Variants in PRRG2 observed in about 807,000 individuals in gnomAD.
PRRG2 encodes proline rich and Gla domain 2, also known as transmembrane gamma-carboxyglutamic acid protein 2.
A neutral mutation model predicts 27.1 loss-of-function variants in PRRG2; 23 were observed. The observed-to-expected ratio is 0.85, with a 90% CI of 0.61 to 1.20. The LOEUF is 1.20. PRRG2 is among the 50% of genes most tolerant of loss of function. The pLI, the probability that PRRG2 is intolerant of heterozygous loss-of-function variation, is 0.00. For synonymous variants in PRRG2, 104 were observed against 103.4 expected (o/e 1.01, Z -0.03); for missense variants, 276 against 254.8 (o/e 1.08, Z -0.57).
chr19:49,585,427 C>A (rs573753854), intron 4 of PRRG2, among the ~76,000 whole-genome samples: 68 of 152,350 alleles, frequency 4.5e-4, no homozygotes, highest in African/African-American at 1.6e-3. Context: ...TCGAATCTAC[C>A]TGAAGGTGCC....
intron 5 of PRRG2, 94 bp downstream of exon 5, chr19:49,588,726 C>A: frequency 7.2e-7 from 1 of 1,390,512 alleles, no homozygotes; most frequent in Non-Finnish European, 9.4e-7. Flanking sequence ...TGGGGGCAGG[C>A]AGGCACTGAT....
intron 6 of PRRG2, 85 bp downstream of exon 6, chr19:49,590,137 G>C (rs901789165): frequency 2.8e-6 from 4 of 1,417,496 alleles, no homozygotes; most frequent in Non-Finnish European, 3.7e-6. Context: ...GGCGGGACTT[G>C]GAATTTGGGC....
chr19:49,585,401 G>A (rs889595828), intron 4 of PRRG2, among the ~76,000 whole-genome samples: 2 of 152,216 alleles, frequency 1.3e-5, no homozygotes, highest in African/African-American at 4.8e-5. Context: ...CAGGCCTAGC[G>A]AGGCGTAGTG....
At position 49,588,631 on chromosome 19, in the gene PRRG2, G is replaced by C; in HGVS notation, c.436G>C (p.Glu146Gln). The part of the protein sequence containing the change: ...QHRGQQPCPQ[E>Q]AGLISPLSPL... ...CCGAGGCCAGCAGCCCTGTCCCCAA[G>C]AGTAAGGGGGCTTCAGCGAGGAGGG... Residue 146 changes from glutamate to glutamine, a missense_variant and splice_region_variant, in exon 5 of 7, where the codon GAG becomes CAG. By Grantham distance (29) the Glu-to-Gln change is conservative (BLOSUM62 2). Coordinates refer to ENST00000246794, the MANE Select transcript of PRRG2 (RefSeq NM_000951.3). 6.5e-7 allele frequency: 1 copy of C among 1,529,356 alleles called. No individual in the cohort carries two copies. Among genetic ancestry groups the C allele is most frequent in the South Asian group, 1.2e-5 (1 of 82,068 alleles). 94.7% of individuals were successfully genotyped at this position (1,529,356 alleles called of 1,614,324 possible). A position where few individuals can be genotyped will look rare whatever the true frequency, so the allele number is the denominator to read the frequency against.
chr19:49,586,166 C>A (rs143181307), intron 4 of PRRG2, among the ~76,000 whole-genome samples: 2 of 151,712 alleles, frequency 1.3e-5, no homozygotes, highest in Non-Finnish European at 2.9e-5. Flanking sequence ...ACTGCAGCCT[C>A]GACCTCCTAG....
At chr19:49,583,833 G>A (rs1004846110) in intron 3 of PRRG2, 80 bp from the exon 4 acceptor site, 3 of 1,603,116 alleles carry the variant, frequency 1.9e-6, no homozygotes, top group Non-Finnish European at 1.7e-6. Flanking sequence ...TCAGAAATCA[G>A]GATGGGCTAG....
In PRRG2 at chr19:49,590,462, TCA is replaced by T; in HGVS notation, c.*74_*75del. On this transcript the variant is annotated 3_prime_UTR_variant, in exon 7 of 7. Transcript: ENST00000246794. ...ACCGGATTCCGGAAGCCGCTAGGCCTCATAGACGCCGAAGCTGGACTTGGAGT... is the reference window on the plus strand; with the variant it reads ...ACCGGATTCCGGAAGCCGCTAGGCCTTAGACGCCGAAGCTGGACTTGGAGT... The T allele has an allele frequency of 6.3e-7, 1 of 1,595,804 alleles. No individual in the cohort carries two copies. The highest frequency in any genetic ancestry group is 1.7e-5 in the Admixed American group (1 of 58,276).
intron 6 of PRRG2, 141 bp downstream of exon 6, chr19:49,590,193 G>A (rs750202786): frequency 1.4e-4 from 198 of 1,389,688 alleles, no homozygotes; most frequent in Non-Finnish European, 1.8e-4. Flanking sequence ...GGGGCCCCAT[G>A]CAATGGTCTA....
intron 4 of PRRG2, 111 bp from the exon 5 acceptor site, chr19:49,588,386 C>T (rs989364994): frequency 2.1e-6 from 3 of 1,440,364 alleles, no homozygotes; most frequent in Non-Finnish European, 2.8e-6. Context: ...GAAGGGACCC[C>T]AGCTCTGCCT....
intron 4 of PRRG2, among the ~76,000 whole-genome samples, chr19:49,586,662 C>A (rs1266033465): frequency 2.0e-5 from 3 of 152,026 alleles, no homozygotes; most frequent in Non-Finnish European, 2.9e-5. Flanking sequence ...ATCATCCTGG[C>A]CAACATAGTG....
At chr19:49,587,915 G>A (rs2080683294) in intron 4 of PRRG2, among the ~76,000 whole-genome samples, 1 of 151,734 alleles carries the variant, frequency 6.6e-6, no homozygotes, top group Non-Finnish European at 1.5e-5. Context: ...TACCACACCT[G>A]GCCAGGACAT....
Position 49,583,633 on chromosome 19 carries a change from A to G in PRRG2, c.177A>G (p.Thr59=). 6.2e-7 allele frequency: 1 copy of G among 1,614,136 alleles called. No individual in the cohort carries two copies. The highest frequency in any genetic ancestry group is 8.5e-7 in the Non-Finnish European group (1 of 1,180,008). ...RANHWDLELL[T]PGNLERECLE... The stretch of plus-strand genomic sequence containing the variant: ...ACCACTGGGACCTGGAGCTGCTCAC[A>G]CCAGGGAACCTGGAACGGGAGTGTC... The change falls in exon 3 of 7, where the codon ACA becomes ACG. Residue 59 remains threonine (T), a synonymous_variant. Coordinates refer to ENST00000246794, the MANE Select transcript of PRRG2 (RefSeq NM_000951.3).
chr19:49,582,799 T>G (rs1599773767), intron 1 of PRRG2, among the ~76,000 whole-genome samples: 1 of 150,820 alleles, frequency 6.6e-6, no homozygotes, highest in Non-Finnish European at 1.5e-5. Flanking sequence ...ACCTGGGGGG[T>G]GGAGTGTGCA....
At chr19:49,590,308 T>C in intron 6 of PRRG2, 63 bp from the exon 7 acceptor site, 1 of 1,612,348 alleles carries the variant, frequency 6.2e-7, no homozygotes, top group African/African-American at 1.3e-5. Context: ...GGAGTGGTCC[T>C]GGTTGAAGGG....
intron 4 of PRRG2, among the ~76,000 whole-genome samples, chr19:49,587,163 T>G (rs1022628398): frequency 7.6e-6 from 1 of 130,998 alleles, no homozygotes; most frequent in Non-Finnish European, 1.6e-5. Flanking sequence ...AAAAAAAATT[T>G]TCTTTTTTTT....
At position 49,586,110 on chromosome 19, in the gene PRRG2, G is replaced by GTCATT. The variant is rs2080667497; in HGVS notation, c.301+2160_301+2164dup. 2.7e-5 allele frequency among the ~76,000 whole-genome samples: 4 copies of GTCATT among 150,520 alleles called. No homozygotes were observed. In the South Asian group the frequency reaches 8.3e-4, roughly 31 times the overall value. On this transcript the variant is annotated intron_variant, in intron 4 of 6. Coordinates refer to ENST00000246794, the MANE Select transcript of PRRG2 (RefSeq NM_000951.3). The stretch of plus-strand genomic sequence containing the variant: ...AAAAAAAAAAAAACAAGGAAATGGG[G>GTCATT]TCATTTTGTCACCCAAGCTGGAGTG...
At chr19:49,586,337 C>T (rs1352002236) in intron 4 of PRRG2, among the ~76,000 whole-genome samples, 3 of 151,634 alleles carry the variant, frequency 2.0e-5, no homozygotes, top group Non-Finnish European at 4.4e-5. Context: ...ATCCTCCTGC[C>T]TTGGCCTCCA....
intron 4 of PRRG2, among the ~76,000 whole-genome samples, chr19:49,586,400 T>C (rs2080670080): frequency 6.6e-6 from 1 of 151,630 alleles, no homozygotes; most frequent in Non-Finnish European, 1.5e-5. Context: ...TTTTTTTTTT[T>C]TTTTTTAGAG....
At chr19:49,588,097 G>T (rs2080685945) in intron 4 of PRRG2, among the ~76,000 whole-genome samples, 1 of 151,718 alleles carries the variant, frequency 6.6e-6, no homozygotes, top group African/African-American at 2.4e-5. Context: ...AGATAACTGG[G>T]ATTACAGGCA....
Sources: allele counts gnomAD v4.1 joint callset (sites outside exome capture counted in the v4.1 genomes callset), GRCh38; gene constraint gnomAD v4.1.1; transcripts MANE v1.5; gene names NCBI Gene and HGNC (gene_info 2026-07-23, HGNC 2026-07-21).